NUP88: variants seen among roughly 807,000 people sequenced by gnomAD.
NUP88 encodes nucleoporin 88, also known as nuclear pore complex protein Nup88.
In NUP88, 57 loss-of-function variants were observed where a neutral mutation model predicts 93.9. That is an observed-to-expected ratio of 0.61 (90% confidence interval 0.49 to 0.76). The LOEUF is 0.76. NUP88 is among the 30% of genes least tolerant of loss of function. NUP88 has a pLI of 0.00. For missense variants in NUP88, 911 were observed against 901.0 expected, an observed-to-expected ratio of 1.01 and a Z score of -0.14; for synonymous variants, 346 against 336.8, an observed-to-expected ratio of 1.03 and a Z score of -0.30.
intron 5 of NUP88, among the ~76,000 whole-genome samples, chr17:5,407,531 C>T (rs1913569813): frequency 6.6e-6 from 1 of 152,174 alleles, no homozygotes; most frequent in South Asian, 2.1e-4. Context: ...CAGCCCTTAG[C>T]CTTATGCCTC....
intron 16 of NUP88, 110 bp downstream of exon 16, chr17:5,386,597 AC>A: frequency 1.3e-6 from 1 of 786,326 alleles, no homozygotes; most frequent in Admixed American, 1.9e-5. Context: ...CCCAGTAATT[AC>A]TTGACATGCA....
chr17:5,404,946 A>T, intron 6 of NUP88, 111 bp downstream of exon 6: 1 of 965,238 alleles, frequency 1.0e-6, no homozygotes, highest in Non-Finnish European at 1.5e-6. Context: ...CCAAAATATC[A>T]GAAGTTCCAT....
chr17:5,394,947 A>G lies in NUP88; in HGVS notation c.1326T>C (p.Ser442=). ...EEDKDSLQEL[S]TEQKCFVEHI... Reference sequence around the variant, plus strand: ...GTTCAACAAAGCATTTCTGTTCTGTAGAGAGTTCCTGTAAACTATCCTTAT... The same window carrying G: ...GTTCAACAAAGCATTTCTGTTCTGTGGAGAGTTCCTGTAAACTATCCTTAT... Residue 442 remains serine, a synonymous_variant, in exon 9 of 17, where the codon TCT becomes TCC. Transcript: ENST00000573584. The G allele has an allele frequency of 6.2e-7, 1 of 1,613,210 alleles. No individual in the cohort carries two copies. Among genetic ancestry groups the G allele is most frequent in the Non-Finnish European group, 8.5e-7 (1 of 1,179,100 alleles).
intron 8 of NUP88, among the ~76,000 whole-genome samples, chr17:5,395,324 A>AT (rs55736403): frequency 4.0e-5 from 6 of 150,700 alleles, no homozygotes; most frequent in Non-Finnish European, 8.9e-5. Context: ...TGGATTTCAC[A>AT]TTTTTTTTTT....
At chr17:5,409,227 A>C (rs933690815) in intron 4 of NUP88, among the ~76,000 whole-genome samples, 29 of 152,202 alleles carry the variant, frequency 1.9e-4, no homozygotes, top group African/African-American at 6.3e-4. Context: ...TACAAAAATT[A>C]GTTGGGCGTG....
rs9899966 is a variant in NUP88, at chr17:5,414,215, G to T, written c.468-81C>A. 6,888 of 1,321,170 alleles carry T rather than the reference G, an allele frequency of 5.2e-3. 273 individuals carry two copies. The African/African-American group carries it at 0.086, about 17-fold the overall frequency. The allele number at this position is 1,321,170 out of a possible 1,614,324, so 81.8% of individuals were successfully genotyped here. On this transcript the variant is annotated intron_variant, in intron 2 of 16. Coordinates refer to ENST00000573584, the MANE Select transcript of NUP88 (RefSeq NM_002532.6). ...TCTAAAGGAACTTCTTTTTTTTGCA[G>T]ATGGAGTTTCTCTCTTGTTGCCCAG...
rs757308022 is a variant in NUP88 at position 5,405,206 on chromosome 17, T to G, written c.895A>C (p.Met299Leu). 12 of 1,614,102 alleles carry G rather than the reference T, an allele frequency of 7.4e-6. No homozygotes were observed. The highest frequency in any genetic ancestry group is 9.3e-6 in the Non-Finnish European group (11 of 1,179,980). Residue 299 changes from methionine to leucine, a missense_variant, in exon 6 of 17, where the codon ATG becomes CTG. Coordinates refer to ENST00000573584, the MANE Select transcript of NUP88 (RefSeq NM_002532.6). ...NIGKLLGPLP[M>L]HPAAEDNYGY... ...TAGTTATCTTCAGCCGCAGGATGCA[T>G]GGGCAATGGACCCAACAGCTTTCCA...
chr17:5,395,127 C>T, intron 8 of NUP88, 146 bp from the exon 9 acceptor site: 1 of 602,402 alleles, frequency 1.7e-6, no homozygotes. Flanking sequence ...TAGGCATACG[C>T]TTTCCCAGGG....
intron 2 of NUP88, among the ~76,000 whole-genome samples, chr17:5,415,469 T>G (rs1048662455): frequency 1.3e-5 from 2 of 152,230 alleles, no homozygotes; most frequent in Non-Finnish European, 2.9e-5. Context: ...AGGGCAGATA[T>G]TATCAATCCT....
chr17:5,387,658 T>G lies in NUP88; in HGVS notation c.1782A>C (p.Leu594Phe). ...KEEIQRRVKLLCDQKKKQLED... is the reference protein window; with the variant it reads ...KEEIQRRVKLFCDQKKKQLED... The stretch of plus-strand genomic sequence containing the variant: ...CTAGTTGTTTCTTTTTTTGGTCACA[T>G]AATAATTTGACCCTTTAAAAACAAA... The change falls in exon 13 of 17, where the codon TTA (leucine) becomes TTC (phenylalanine). Residue 594 changes from leucine to phenylalanine, a missense_variant. Coordinates refer to ENST00000573584, the MANE Select transcript of NUP88 (RefSeq NM_002532.6). 3 of 1,612,988 alleles carry G rather than the reference T, an allele frequency of 1.9e-6. No individual in the cohort carries two copies. The highest frequency in any genetic ancestry group is 2.5e-6 in the Non-Finnish European group (3 of 1,179,438).
In NUP88 at chr17:5,386,213, T is replaced by A. The variant is rs368772300; in HGVS notation, c.2219A>T (p.Asn740Ile). ...AGTCAGCTCCTGGTGGTGTCAGAAG[T>A]TTACATGATTGCGGATATCATTGAT... ...KQINDIRNHVNF is the reference protein window; with the variant it reads ...KQINDIRNHVIF Residue 740 changes from asparagine to isoleucine, a missense_variant, in exon 17 of 17, where the codon AAC becomes ATC. Coordinates refer to ENST00000573584, the MANE Select transcript of NUP88 (RefSeq NM_002532.6). The A allele has an allele frequency of 6.2e-7, 1 of 1,613,110 alleles. No homozygotes were observed. The highest frequency in any genetic ancestry group is 1.1e-5 in the South Asian group (1 of 90,894).
rs1191866812 is a variant in NUP88, at chr17:5,388,878, C to A, written c.1567G>T (p.Ala523Ser). 6.2e-7 allele frequency: 1 copy of A among 1,613,934 alleles called. No homozygotes were observed. Among genetic ancestry groups the A allele is most frequent in the South Asian group, 1.1e-5 (1 of 91,054 alleles). Residue 523 changes from alanine to serine, a missense_variant, in exon 11 of 17, where the codon GCT becomes TCT. Physicochemically the swap from Ala to Ser is moderately conservative, Grantham distance 99. Coordinates refer to ENST00000573584, the MANE Select transcript of NUP88 (RefSeq NM_002532.6). ...TTTTCAAAGGAATCTGGGGTTTCAG[C>A]CAGAACACGGAGGGGAGACTCTGCC... ...EVAESPLRVL[A>S]ETPDSFEKHI...
Position 5,399,500 on chromosome 17 carries a change from A to C in NUP88, c.1291+52T>G, listed in dbSNP as rs548331681. ...AAACTACTTTTCTGAAATCTATTAA[A>C]TCTATTTTTCCTCTGAAATCTATTA... On this transcript the variant is annotated intron_variant, in intron 8 of 16. Transcript: ENST00000573584. 3 of 911,364 alleles carry C rather than the reference A, an allele frequency of 3.3e-6. No homozygotes were observed. The East Asian group carries it at 7.5e-5, about 23-fold the overall frequency. 56.5% of individuals were successfully genotyped at this position (911,364 alleles called of 1,614,324 possible). A position where few individuals can be genotyped will look rare whatever the true frequency, so the allele number is the denominator to read the frequency against.
At chr17:5,398,780 G>C (rs1438717647) in intron 8 of NUP88, among the ~76,000 whole-genome samples, 1 of 151,490 alleles carries the variant, frequency 6.6e-6, no homozygotes, top group African/African-American at 2.4e-5. Context: ...GTAGAGACAG[G>C]GTTTCACCAT....
intron 2 of NUP88, among the ~76,000 whole-genome samples, chr17:5,415,918 G>A (rs1196140533): frequency 6.6e-6 from 1 of 151,876 alleles, no homozygotes; most frequent in Non-Finnish European, 1.5e-5. Context: ...GCTAAGGTGG[G>A]TGGATCACTT....
intron 8 of NUP88, 89 bp from the exon 9 acceptor site, chr17:5,395,070 GT>G: frequency 3.7e-6 from 3 of 815,220 alleles, no homozygotes; most frequent in Non-Finnish European, 6.3e-6. Context: ...ATGCAGTGAG[GT>G]TCTTGTCTGA....
intron 8 of NUP88, among the ~76,000 whole-genome samples, chr17:5,395,323 C>T (rs1005543652): frequency 3.8e-5 from 4 of 106,562 alleles, no homozygotes; most frequent in Admixed American, 8.9e-5. Context: ...TTGGATTTCA[C>T]ATTTTTTTTT....
At chr17:5,392,943 C>T (rs1286673374) in intron 9 of NUP88, among the ~76,000 whole-genome samples, 1 of 151,904 alleles carries the variant, frequency 6.6e-6, no homozygotes, top group Non-Finnish European at 1.5e-5. Context: ...GTACATGCTA[C>T]CACAGTGGCT....
intron 8 of NUP88, among the ~76,000 whole-genome samples, chr17:5,396,513 C>T (rs1315279013): frequency 6.6e-6 from 1 of 152,236 alleles, no homozygotes; most frequent in African/African-American, 2.4e-5. Flanking sequence ...AGACACACCA[C>T]ATTTTATCTA....
Sources: allele counts gnomAD v4.1 joint callset (sites outside exome capture counted in the v4.1 genomes callset), GRCh38; gene constraint gnomAD v4.1.1; transcripts MANE v1.5; gene names NCBI Gene and HGNC (gene_info 2026-07-23, HGNC 2026-07-21).